The following SPNS3 variants were observed in gnomAD, a reference collection of about 807,000 sequenced individuals.
SPNS3 encodes the protein SPNS lysolipid transporter 3, sphingosine-1-phosphate (putative).
A neutral mutation model predicts 54.4 loss-of-function variants in SPNS3; 51 were observed. The ratio of observed to expected loss-of-function variants is 0.94; its 90% CI spans 0.75 to 1.18. The LOEUF (loss-of-function observed/expected upper bound fraction) is 1.18. Ranked by LOEUF, SPNS3 falls within the 50% of genes most tolerant of loss-of-function variation. SPNS3 has a pLI of 0.00. For synonymous variants in SPNS3, 309 were observed against 294.7 expected, an observed-to-expected ratio of 1.05 and a Z score of -0.50; for missense variants, 669 against 677.4, an observed-to-expected ratio of 0.99 and a Z score of 0.14.
intron 11 of SPNS3, 51 bp from the exon 12 acceptor site, chr17:4,487,755 C>T: frequency 1.3e-6 from 2 of 1,579,382 alleles, no homozygotes; most frequent in Non-Finnish European, 1.7e-6. Flanking sequence ...GGCCTGGTCC[C>T]AAAGCACCTT....
At chr17:4,470,060 G>T (rs965954305) in intron 8 of SPNS3, among the ~76,000 whole-genome samples, 1 of 152,078 alleles carries the variant, frequency 6.6e-6, no homozygotes, top group Non-Finnish European at 1.5e-5. Context: ...CAGGCTTATG[G>T]TTAGGTAAAA....
At chr17:4,458,937 T>C (rs765377858) in intron 8 of SPNS3, among the ~76,000 whole-genome samples, 10 of 151,972 alleles carry the variant, frequency 6.6e-5, no homozygotes, top group East Asian at 1.9e-4. Flanking sequence ...CTCATGAACT[T>C]CTCCAATAAC....
chr17:4,446,010 T>G (rs992030752), intron 3 of SPNS3, 38 bp from the exon 4 acceptor site: 14 of 1,569,114 alleles, frequency 8.9e-6, no homozygotes, highest in Non-Finnish European at 1.2e-5. Flanking sequence ...TATGGGTGAT[T>G]TCTGGAACTC....
chr17:4,444,206 T>G (rs1330695510), intron 2 of SPNS3, among the ~76,000 whole-genome samples: 1 of 151,724 alleles, frequency 6.6e-6, no homozygotes, highest in Non-Finnish European at 1.5e-5. Flanking sequence ...TAGTTCACAG[T>G]CAATATGCTT....
At chr17:4,485,850 C>A (rs1032601507) in intron 9 of SPNS3, among the ~76,000 whole-genome samples, 1 of 152,236 alleles carries the variant, frequency 6.6e-6, no homozygotes, top group African/African-American at 2.4e-5. Context: ...CACATGCAGA[C>A]ACCTGGCATG....
At chr17:4,475,831 G>A (rs1971978830) in intron 8 of SPNS3, among the ~76,000 whole-genome samples, 1 of 152,210 alleles carries the variant, frequency 6.6e-6, no homozygotes, top group African/African-American at 2.4e-5. Flanking sequence ...TTGCTTTTGA[G>A]TTGTGGAGCC....
At position 4,486,633 on chromosome 17, in the gene SPNS3, C is replaced by T; in HGVS notation, c.1450+50C>T. The T allele has an allele frequency of 6.4e-7, 1 of 1,551,706 alleles. No homozygotes were observed. On this transcript the variant is annotated intron_variant, in intron 11 of 11. Transcript: ENST00000355530. This position sits in a 1 kb window ranked among gnomAD's most constrained non-coding sequence, Gnocchi z 5.5. ...CGGCTCAGGGCCGGCACCCTAGGGACAGACAGCACTGGCCACCCCCTGAAT... is the reference window on the plus strand; with the variant it reads ...CGGCTCAGGGCCGGCACCCTAGGGATAGACAGCACTGGCCACCCCCTGAAT...
In SPNS3 at chr17:4,453,216, G is replaced by C. The variant is rs201321679; in HGVS notation, c.1113+11G>C. On this transcript the variant is annotated intron_variant, in intron 8 of 11. Coordinates refer to ENST00000355530, the MANE Select transcript of SPNS3 (RefSeq NM_182538.5). ...CTGCTGGCCTCCTATGTAAGTGAGA[G>C]CCTCTATGGAGGTGGGGACAGGGTT... 2 of 1,607,956 alleles carry C rather than the reference G, an allele frequency of 1.2e-6. No homozygotes were observed. Among genetic ancestry groups the C allele is most frequent in the African/African-American group, 2.7e-5 (2 of 74,918 alleles).
rs187007282 is a variant in SPNS3, at chr17:4,440,031, G to A, written c.265+308G>A. ...TCCCTTCGTGTTGGTGAGGCTCAGC[G>A]GTGCACCAGAGGCTTGCTGGGCTTT... On this transcript the variant is annotated intron_variant, in intron 2 of 11. Transcript: ENST00000355530. 6.2e-4 allele frequency among the ~76,000 whole-genome samples: 94 copies of A among 152,274 alleles called. 1 individual carries two copies. Among genetic ancestry groups the A allele is most frequent in the Non-Finnish European group, 3.4e-4 (23 of 68,020 alleles).
intron 8 of SPNS3, among the ~76,000 whole-genome samples, chr17:4,468,757 CTT>C (rs1567570082): frequency 8.4e-4 from 118 of 140,412 alleles, no homozygotes; most frequent in African/African-American, 3.2e-3. Flanking sequence ...TTCTTTCTTT[CTT>C]TCTCTCTTTC....
In SPNS3 at chr17:4,451,044, C is replaced by CG. The variant is rs1465170074; in HGVS notation, c.923+1662dup. On this transcript the variant is annotated intron_variant, in intron 7 of 11. Transcript: ENST00000355530. ...GCTGCCCCTCCTGCTTAGGGGCTGG[C>CG]GGGGGTGCATTTTCAGGCAGCCTGT... Among the ~76,000 whole-genome samples, 15 of 152,020 alleles carry CG rather than the reference C, an allele frequency of 9.9e-5. No individual in the cohort carries two copies. In the South Asian group the frequency reaches 2.9e-3, roughly 29 times the overall value.
chr17:4,451,925 C>T (rs1486322855), intron 7 of SPNS3, among the ~76,000 whole-genome samples: 1 of 151,762 alleles, frequency 6.6e-6, no homozygotes, highest in Non-Finnish European at 1.5e-5. Flanking sequence ...GTGATCCACC[C>T]ACCTCGGCCT....
Position 4,487,988 on chromosome 17 carries a change from G to T in SPNS3, c.*94G>T. On this transcript the variant is annotated 3_prime_UTR_variant, in exon 12 of 12. Transcript: ENST00000355530. Reference sequence around the variant, plus strand: ...CTCTTTGGCTGTCCTCGGGGACTCCGGCTGAGGCACATCTGCCACTTTTGA... The same window carrying T: ...CTCTTTGGCTGTCCTCGGGGACTCCTGCTGAGGCACATCTGCCACTTTTGA... 1 of 1,097,582 alleles carries T rather than the reference G, an allele frequency of 9.1e-7. No homozygotes were observed. The highest frequency in any genetic ancestry group is 2.4e-5 in the East Asian group (1 of 41,958). The allele number at this position is 1,097,582 out of a possible 1,614,324, so 68.0% of individuals were successfully genotyped here.
At chr17:4,451,850 T>G (rs1971175566) in intron 7 of SPNS3, among the ~76,000 whole-genome samples, 1 of 151,500 alleles carries the variant, frequency 6.6e-6, no homozygotes, top group Admixed American at 6.6e-5. Context: ...TGTATTTTTT[T>G]TTTTTTTTAG....
Position 4,454,610 on chromosome 17 carries a change from C to CTT in SPNS3, c.1113+1428_1113+1429dup, listed in dbSNP as rs55918406. Among the ~76,000 whole-genome samples the CTT allele has an allele frequency of 6.3e-3, 481 of 76,350 alleles. 6 individuals carry two copies. Among genetic ancestry groups the CTT allele is most frequent in the East Asian group, 0.027 (80 of 2,914 alleles). 50.1% of individuals were successfully genotyped at this position (76,350 alleles called of 152,430 possible). On this transcript the variant is annotated intron_variant, in intron 8 of 11. Transcript: ENST00000355530. ...ACTTTAGCCCTGCTTCCAAATAAAGCTTTTTTTTTTTTTTTTTTTTTTTTG... is the reference window on the plus strand; with the variant it reads ...ACTTTAGCCCTGCTTCCAAATAAAGCTTTTTTTTTTTTTTTTTTTTTTTTTTG...
chr17:4,445,486 C>T (rs1432631069), intron 3 of SPNS3, among the ~76,000 whole-genome samples: 1 of 152,062 alleles, frequency 6.6e-6, no homozygotes, highest in East Asian at 1.9e-4. Context: ...AGCAATTCTC[C>T]TGTCTCAGCC....
intron 8 of SPNS3, among the ~76,000 whole-genome samples, chr17:4,464,328 C>T (rs989742388): frequency 1.3e-5 from 2 of 152,198 alleles, no homozygotes; most frequent in African/African-American, 4.8e-5. Context: ...AGCTGCTGCC[C>T]TTCAGAAGAG....
At chr17:4,447,396 G>A (rs1423278396) in intron 5 of SPNS3, among the ~76,000 whole-genome samples, 1 of 152,236 alleles carries the variant, frequency 6.6e-6, no homozygotes, top group Non-Finnish European at 1.5e-5. Flanking sequence ...AAGATGCCGG[G>A]CAGGCCCCGC....
At position 4,451,674 on chromosome 17, in the gene SPNS3, T is replaced by A. The variant is rs140910675; in HGVS notation, c.924-1342T>A. On this transcript the variant is annotated intron_variant, in intron 7 of 11. Coordinates refer to ENST00000355530, the MANE Select transcript of SPNS3 (RefSeq NM_182538.5). ...TTGAGCTCCTTTATTTGTTTTGTTTTGTTTTGTTTTTGAGACGGAGTCTTG... is the reference window on the plus strand; with the variant it reads ...TTGAGCTCCTTTATTTGTTTTGTTTAGTTTTGTTTTTGAGACGGAGTCTTG... Among the ~76,000 whole-genome samples, 861 of 151,704 alleles carry A rather than the reference T, an allele frequency of 5.7e-3. 7 individuals are homozygous for A. The highest frequency in any genetic ancestry group is 0.019 in the African/African-American group (798 of 41,330).
Sources: gnomAD v4.1 joint callset for allele counts (sites outside exome capture counted in the v4.1 genomes callset) on GRCh38, gnomAD v4.1.1 for gene constraint, Gnocchi (gnomAD v3.1) non-coding constraint, MANE v1.5 for transcripts, NCBI Gene and HGNC (gene_info 2026-07-23, HGNC 2026-07-21) for gene names.